Variants in KAZN observed in about 807,000 individuals in gnomAD.
KAZN encodes the protein kazrin, periplakin interacting protein.
A neutral mutation model predicts 87.4 loss-of-function variants in KAZN; 40 were observed. That is an observed-to-expected ratio of 0.46 (90% CI 0.36 to 0.60). The LOEUF (loss-of-function observed/expected upper bound fraction) is 0.60. Ranked by LOEUF, KAZN falls within the 20% of genes least tolerant of loss-of-function variation. KAZN has a pLI of 0.00. For synonymous variants in KAZN, 466 were observed against 458.3 expected, an observed-to-expected ratio of 1.02 and a Z score of -0.22; for missense variants, 898 against 1,073.9, an observed-to-expected ratio of 0.84 and a Z score of 2.29.
rs1553181094 is a variant in KAZN, at chr1:13,981,089, T to TATATATATATATATATATATATA, written c.91+87333_91+87334insATATATATATATATATATATATA. Among the ~76,000 whole-genome samples the TATATATATATATATATATATATA allele has an allele frequency of 6.6e-3, 416 of 63,024 alleles. 35 individuals carry two copies. Among genetic ancestry groups the TATATATATATATATATATATATA allele is most frequent in the Middle Eastern group, 0.014 (1 of 70 alleles). 41.3% of individuals were successfully genotyped at this position (63,024 alleles called of 152,430 possible). A position where few individuals can be genotyped will look rare whatever the true frequency, so the allele number is the denominator to read the frequency against. Reference sequence around the variant, plus strand: ...TTGGAGAGGTATAAAAAATTACTCTTTATATATATATATATATATATGTAT... The same window carrying TATATATATATATATATATATATA: ...TTGGAGAGGTATAAAAAATTACTCTTATATATATATATATATATATATATATATATATATATATATATATGTAT... On this transcript the variant is annotated intron_variant, in intron 1 of 16. Coordinates refer to the KAZN transcript ENST00000636203.
chr1:14,901,025 T>G (rs1452013796), intron 1 of KAZN, among the ~76,000 whole-genome samples: 2 of 152,168 alleles, frequency 1.3e-5, no homozygotes, highest in African/African-American at 4.8e-5. Context: ...CATACAGCGG[T>G]AACAGGACAG....
At chr1:14,085,748 G>A (rs1397834743) in intron 1 of KAZN, among the ~76,000 whole-genome samples, 1 of 152,102 alleles carries the variant, frequency 6.6e-6, no homozygotes, top group Non-Finnish European at 1.5e-5. Flanking sequence ...GTGGATATGA[G>A]CTTTTATTTC....
intron 2 of KAZN, among the ~76,000 whole-genome samples, chr1:14,326,447 T>C (rs1457597677): frequency 2.0e-5 from 3 of 152,244 alleles, no homozygotes; most frequent in Non-Finnish European, 4.4e-5. Flanking sequence ...ACTTGGGTGA[T>C]TGCACTGGGT....
intron 1 of KAZN, among the ~76,000 whole-genome samples, chr1:14,129,214 G>A (rs774076921): frequency 3.3e-5 from 5 of 152,156 alleles, no homozygotes; most frequent in Admixed American, 6.5e-5. Flanking sequence ...TGCCTAGAGA[G>A]GAAGGCATGA....
At chr1:14,997,699 C>A (rs916569366) in intron 2 of KAZN, among the ~76,000 whole-genome samples, 6 of 151,348 alleles carry the variant, frequency 4.0e-5, no homozygotes, top group Admixed American at 2.0e-4. Context: ...GGACAGCCCC[C>A]TGAGGGTGGA....
At chr1:14,501,728 C>G (rs568020899) in intron 2 of KAZN, among the ~76,000 whole-genome samples, 13 of 152,246 alleles carry the variant, frequency 8.5e-5, no homozygotes, top group East Asian at 5.8e-4. Flanking sequence ...CCAAAGTGAT[C>G]TATGGATTCA....
At chr1:14,306,117 A>C (rs1451314170) in intron 2 of KAZN, among the ~76,000 whole-genome samples, 2 of 152,232 alleles carry the variant, frequency 1.3e-5, no homozygotes, top group Non-Finnish European at 1.5e-5. Flanking sequence ...AGATGAAGGC[A>C]GACATCGTTA....
chr1:14,276,655 T>A (rs1408248485), intron 2 of KAZN, among the ~76,000 whole-genome samples: 1 of 152,200 alleles, frequency 6.6e-6, no homozygotes, highest in East Asian at 1.9e-4. Flanking sequence ...TGTCTCTGTG[T>A]TTAAATCTCT....
chr1:15,004,622 C>T (rs965280399), intron 2 of KAZN, among the ~76,000 whole-genome samples: 10 of 152,160 alleles, frequency 6.6e-5, no homozygotes, highest in African/African-American at 2.2e-4. Context: ...TTTTGTTTGC[C>T]GTCTTCAAGG....
Position 15,070,588 on chromosome 1 carries a change from T to G in KAZN, c.1222+4835T>G, listed in dbSNP as rs1296492731. Among the ~76,000 whole-genome samples, 4 of 152,192 alleles carry G rather than the reference T, an allele frequency of 2.6e-5. No individual in the cohort carries two copies. The East Asian group carries it at 7.7e-4, about 29-fold the overall frequency. On this transcript the variant is annotated intron_variant, in intron 8 of 14. Coordinates refer to ENST00000376030, the MANE Select transcript of KAZN (RefSeq NM_201628.3). ...CCTGTGACAAACGGTATCGTGCCCG[T>G]CACTCAACCTGGGCTCCTGGGGAAT...
rs12030138 is a variant in KAZN, at chr1:14,550,749, G to A, written c.250-48234G>A. Among the ~76,000 whole-genome samples the A allele has an allele frequency of 7.4e-4, 24 of 32,480 alleles. 1 individual carries two copies. The highest frequency in any genetic ancestry group is 1.3e-3 in the Admixed American group (4 of 3,006). 21.3% of individuals were successfully genotyped at this position (32,480 alleles called of 152,430 possible). On this transcript the variant is annotated intron_variant, in intron 2 of 16. Transcript: ENST00000636203. ...TCTCTCTCTCTCTCTCCCCCACCCC[G>A]CCACCCCCTCTCCCCTTCCCCCTAC...
intron 1 of KAZN, among the ~76,000 whole-genome samples, chr1:14,937,047 C>G (rs1006066425): frequency 3.3e-5 from 5 of 152,256 alleles, no homozygotes; most frequent in African/African-American, 1.2e-4. Flanking sequence ...GGCCCCCAAC[C>G]TTTCTGTGAG....
Position 14,773,386 on chromosome 1 carries a change from C to CG in KAZN, c.226+174164dup. Reference sequence around the variant, plus strand: ...CATTGCTTCAAATGGCTTTCAACAACGCCCTCCACTCCACGGGGTCTCCCT... The same window carrying CG: ...CATTGCTTCAAATGGCTTTCAACAACGGCCCTCCACTCCACGGGGTCTCCCT... On this transcript the variant is annotated intron_variant, in intron 1 of 14. Transcript: ENST00000376030. The surrounding 1 kb of genome is among the most constrained non-coding windows in gnomAD (Gnocchi z 5.9). 6.6e-6 allele frequency among the ~76,000 whole-genome samples: 1 copy of CG among 152,126 alleles called. No homozygotes were observed. Among genetic ancestry groups the CG allele is most frequent in the Non-Finnish European group, 1.5e-5 (1 of 68,028 alleles).
rs141959214 is a variant in KAZN at position 14,021,953 on chromosome 1, C to CTTTTTT, written c.91+128211_91+128216dup. 2.7e-3 allele frequency among the ~76,000 whole-genome samples: 311 copies of CTTTTTT among 114,256 alleles called. 8 individuals carry two copies. The highest frequency in any genetic ancestry group is 3.4e-3 in the Non-Finnish European group (204 of 59,368). The allele number at this position is 114,256 out of a possible 152,430, so 75.0% of individuals were successfully genotyped here. On this transcript the variant is annotated intron_variant, in intron 1 of 16. Coordinates refer to the KAZN transcript ENST00000636203. ...AGGAAATGGGATGTGAATGAACATG[C>CTTTTTT]TTTTTTTTTTTTTTTTTTTGTAACG...
chr1:14,576,006 C>T (rs936724809), intron 2 of KAZN, among the ~76,000 whole-genome samples: 7 of 152,106 alleles, frequency 4.6e-5, no homozygotes, highest in Non-Finnish European at 5.9e-5. Context: ...GCTTGTCAAA[C>T]TTTGACAATT....
intron 2 of KAZN, among the ~76,000 whole-genome samples, chr1:14,978,674 G>A (rs545750239): frequency 1.3e-5 from 2 of 152,150 alleles, no homozygotes; most frequent in South Asian, 2.1e-4. Context: ...GCCACCGAGC[G>A]CATCTCAGCC....
chr1:14,923,702 G>A lies in KAZN; in HGVS notation c.227-36982G>A, dbSNP rs904875673. Among the ~76,000 whole-genome samples the A allele has an allele frequency of 6.6e-6, 1 of 152,186 alleles. No homozygotes were observed. The highest frequency in any genetic ancestry group is 1.5e-5 in the Non-Finnish European group (1 of 68,042). ...TCACTTAGAGGATGGCCGGTCACAC[G>A]CAAAGATGAGCGAAGGAAAGGTCCC... On this transcript the variant is annotated intron_variant, in intron 1 of 14. Coordinates refer to ENST00000376030, the MANE Select transcript of KAZN (RefSeq NM_201628.3). This position sits in a 1 kb window ranked among gnomAD's most constrained non-coding sequence, Gnocchi z 4.2.
At chr1:14,562,802 A>C (rs1446872521) in intron 2 of KAZN, among the ~76,000 whole-genome samples, 1 of 152,184 alleles carries the variant, frequency 6.6e-6, no homozygotes, top group Non-Finnish European at 1.5e-5. Context: ...ACAGAACTTT[A>C]ATTCTTCCCA....
intron 2 of KAZN, among the ~76,000 whole-genome samples, chr1:15,016,130 G>C (rs542834199): frequency 6.6e-6 from 1 of 152,176 alleles, no homozygotes; most frequent in South Asian, 2.1e-4. Flanking sequence ...AGGGGAGAAG[G>C]TGATGAGAAG....
Sources: allele counts gnomAD v4.1 joint callset (sites outside exome capture counted in the v4.1 genomes callset), GRCh38; gene constraint gnomAD v4.1.1; non-coding constraint Gnocchi (gnomAD v3.1); transcripts MANE v1.5; gene names NCBI Gene and HGNC (gene_info 2026-07-23, HGNC 2026-07-21).